PCP4: variants seen among roughly 807,000 people sequenced by gnomAD.
The protein encoded by PCP4 is Purkinje cell protein 4.
Under a neutral mutation model 10.0 loss-of-function variants are expected in PCP4, and 8 were observed. The ratio of observed to expected loss-of-function variants is 0.80; its 90% CI spans 0.47 to 1.45. The LOEUF is 1.45. Ranked by LOEUF, PCP4 falls within the 40% of genes most tolerant of loss-of-function variation. The probability of loss-of-function intolerance (pLI) is 0.00; values close to 1 mark genes in which losing one functional copy is unlikely to be tolerated. For synonymous variants in PCP4, 21 were observed against 23.0 expected (o/e 0.91, Z 0.24); for missense variants, 54 against 74.4 (o/e 0.73, Z 1.01).
intron 1 of PCP4, among the ~76,000 whole-genome samples, chr21:39,880,136 A>G (rs148256101): frequency 0.048 from 3,157 of 66,088 alleles, 128 homozygotes; most frequent in African/African-American, 0.21. Context: ...ATCTGTATCT[A>G]TATCTATATC....
At chr21:39,918,793 G>A (rs909299455) in intron 2 of PCP4, among the ~76,000 whole-genome samples, 1 of 152,136 alleles carries the variant, frequency 6.6e-6, no homozygotes. Flanking sequence ...CTGGGCTGTG[G>A]GGCTGGCTTG....
At chr21:39,912,069 G>A (rs1028811467) in intron 2 of PCP4, among the ~76,000 whole-genome samples, 12 of 152,316 alleles carry the variant, frequency 7.9e-5, no homozygotes, top group African/African-American at 2.9e-4. Flanking sequence ...GCTCCTGGGA[G>A]ATGTTTGCAA....
intron 1 of PCP4, among the ~76,000 whole-genome samples, chr21:39,873,583 G>A (rs1054635618): frequency 6.6e-6 from 1 of 152,116 alleles, no homozygotes. Flanking sequence ...TCTGATAGGA[G>A]CTCTGCTTTC....
chr21:39,928,200 T>G (rs1269295706), intron 2 of PCP4, among the ~76,000 whole-genome samples: 3 of 152,168 alleles, frequency 2.0e-5, no homozygotes, highest in Non-Finnish European at 4.4e-5. Flanking sequence ...CCGGGTCTCA[T>G]CAGACTAGAG....
intron 2 of PCP4, among the ~76,000 whole-genome samples, chr21:39,901,953 C>T (rs1449205381): frequency 1.3e-5 from 2 of 152,068 alleles, no homozygotes; most frequent in East Asian, 1.9e-4. Flanking sequence ...AAACATTTTC[C>T]TAAAGAATTG....
chr21:39,888,761 G>A lies in PCP4; in HGVS notation c.10-9715G>A, dbSNP rs531772411. 4.7e-4 allele frequency among the ~76,000 whole-genome samples: 72 copies of A among 152,240 alleles called. 1 individual carries two copies. Among genetic ancestry groups the A allele is most frequent in the African/African-American group, 1.4e-3 (57 of 41,536 alleles). ...TGGGTCCCTTCTGCTTGGGACCCTC[G>A]GGCCCAGCCCAGGACCTGGCTCAGC... On this transcript the variant is annotated intron_variant, in intron 1 of 2. Transcript: ENST00000328619.
Position 39,867,495 on chromosome 21 carries a change from A to G in PCP4, c.-7A>G. 6.2e-7 allele frequency: 1 copy of G among 1,614,162 alleles called. No homozygotes were observed. Among genetic ancestry groups the G allele is most frequent in the Non-Finnish European group, 8.5e-7 (1 of 1,179,990 alleles). Reference sequence around the variant, plus strand: ...CGGCGGGACTGAGCTGTTGAGTTAGAGCCAACATGAGTGAGGTGAGTGATG... The same window carrying G: ...CGGCGGGACTGAGCTGTTGAGTTAGGGCCAACATGAGTGAGGTGAGTGATG... On this transcript the variant is annotated 5_prime_UTR_variant, in exon 1 of 3. Transcript: ENST00000328619.
At chr21:39,891,854 T>C (rs920981002) in intron 1 of PCP4, among the ~76,000 whole-genome samples, 7 of 152,364 alleles carry the variant, frequency 4.6e-5, no homozygotes, top group African/African-American at 1.4e-4. Flanking sequence ...AGACTTTCAC[T>C]ATTTCTTCTA....
chr21:39,929,328 C>T lies in PCP4; in HGVS notation c.*217C>T. On this transcript the variant is annotated 3_prime_UTR_variant, in exon 3 of 3. Coordinates refer to ENST00000328619, the MANE Select transcript of PCP4 (RefSeq NM_006198.3). ...GTAGCTTAATCTCTATGTTTCTCTC[C>T]ATTTTCATTCCTCCTGCAACTATTT... The T allele has an allele frequency of 2.7e-6, 1 of 372,202 alleles. No homozygotes were observed. The highest frequency in any genetic ancestry group is 4.8e-6 in the Non-Finnish European group (1 of 209,952). The allele number at this position is 372,202 out of a possible 1,614,324, so 23.1% of individuals were successfully genotyped here. A position where few individuals can be genotyped will look rare whatever the true frequency, so the allele number is the denominator to read the frequency against.
At chr21:39,913,723 G>A (rs1295297239) in intron 2 of PCP4, among the ~76,000 whole-genome samples, 3 of 152,202 alleles carry the variant, frequency 2.0e-5, no homozygotes, top group Non-Finnish European at 4.4e-5. Flanking sequence ...TTGGACCTGG[G>A]AGGGACTTGA....
At chr21:39,894,714 T>G (rs967389841) in intron 1 of PCP4, among the ~76,000 whole-genome samples, 4 of 152,234 alleles carry the variant, frequency 2.6e-5, no homozygotes, top group African/African-American at 7.2e-5. Flanking sequence ...ATATTTGATT[T>G]CATTTATTAG....
At chr21:39,894,978 T>C (rs2087449997) in intron 1 of PCP4, among the ~76,000 whole-genome samples, 1 of 152,180 alleles carries the variant, frequency 6.6e-6, no homozygotes, top group African/African-American at 2.4e-5. Context: ...CGTCTGTCTG[T>C]TCATTTGACC....
chr21:39,874,871 G>A lies in PCP4; in HGVS notation c.9+7361G>A, dbSNP rs548233612. Among the ~76,000 whole-genome samples the A allele has an allele frequency of 7.9e-5, 12 of 152,250 alleles. No individual in the cohort carries two copies. The South Asian group carries it at 1.0e-3, about 13-fold the overall frequency. Reference sequence around the variant, plus strand: ...TACACATGCTATGCTTTTTCCATCCGATAATACCTGAAAGTGCTGCTAAGT... The same window carrying A: ...TACACATGCTATGCTTTTTCCATCCAATAATACCTGAAAGTGCTGCTAAGT... On this transcript the variant is annotated intron_variant, in intron 1 of 2. Transcript: ENST00000328619.
intron 1 of PCP4, among the ~76,000 whole-genome samples, chr21:39,872,980 C>A (rs990148899): frequency 6.6e-6 from 1 of 152,112 alleles, no homozygotes; most frequent in African/African-American, 2.4e-5. Flanking sequence ...TAAGAAGGAT[C>A]TCAACAGAAG....
intron 2 of PCP4, among the ~76,000 whole-genome samples, chr21:39,904,821 G>T (rs984744249): frequency 3.9e-5 from 6 of 152,152 alleles, no homozygotes; most frequent in African/African-American, 1.4e-4. Flanking sequence ...CACACTGAGG[G>T]TCTAATATGC....
chr21:39,928,086 G>C (rs995037056), intron 2 of PCP4, among the ~76,000 whole-genome samples: 1 of 152,050 alleles, frequency 6.6e-6, no homozygotes, highest in Non-Finnish European at 1.5e-5. Context: ...GGTGGTGTTT[G>C]GTTACATGAG....
At chr21:39,910,408 C>A (rs1218559539) in intron 2 of PCP4, among the ~76,000 whole-genome samples, 1 of 152,098 alleles carries the variant, frequency 6.6e-6, no homozygotes, top group African/African-American at 2.4e-5. Flanking sequence ...TCTTTCCACA[C>A]AAACATAAAG....
At chr21:39,902,373 T>G (rs1198937173) in intron 2 of PCP4, among the ~76,000 whole-genome samples, 1 of 152,210 alleles carries the variant, frequency 6.6e-6, no homozygotes, top group Admixed American at 6.5e-5. Context: ...TACAGGTGCC[T>G]TGAAATTATT....
At chr21:39,898,614 C>A in intron 2 of PCP4, 87 bp downstream of exon 2, 1 of 991,736 alleles carries the variant, frequency 1.0e-6, no homozygotes, top group Non-Finnish European at 1.6e-6. Flanking sequence ...ACATCCCATC[C>A]CAAACAGCTT....
Sources: allele counts gnomAD v4.1 joint callset (sites outside exome capture counted in the v4.1 genomes callset), GRCh38; gene constraint gnomAD v4.1.1; transcripts MANE v1.5; gene names NCBI Gene and HGNC (gene_info 2026-07-23, HGNC 2026-07-21).